Variants in JADE3 observed in about 807,000 individuals in gnomAD.
The protein encoded by JADE3 is jade family PHD finger 3.
A neutral mutation model predicts 50.1 loss-of-function variants in JADE3; 2 were observed. The observed-to-expected ratio is 0.04, with a 90% confidence interval of 0.02 to 0.13. The LOEUF (loss-of-function observed/expected upper bound fraction) is 0.13, where lower values mean the gene tolerates loss of function less well. Ranked by LOEUF, JADE3 falls within the 10% of genes least tolerant of loss-of-function variation. The probability of loss-of-function intolerance (pLI) is 1.00; values close to 1 mark genes in which losing one functional copy is unlikely to be tolerated. For synonymous variants in JADE3, 218 were observed against 232.9 expected (o/e 0.94, Z 0.58); for missense variants, 475 against 634.4 (o/e 0.75, Z 2.70).
chrX:46,957,960 G>A (rs1212593122), intron 1 of JADE3, among the ~76,000 whole-genome samples: 2 of 112,093 alleles, frequency 1.8e-5, no homozygotes, highest in African/African-American at 6.5e-5. Context: ...GGATTGCTGG[G>A]TCATAGGGTT....
At chrX:46,964,830 A>G (rs1927335536) in intron 1 of JADE3, among the ~76,000 whole-genome samples, 1 of 112,484 alleles carries the variant, frequency 8.9e-6, no homozygotes, top group African/African-American at 3.2e-5. Flanking sequence ...TCAACCATTT[A>G]AAAATGTAAA....
intron 4 of JADE3, among the ~76,000 whole-genome samples, chrX:47,020,975 G>A (rs2038824074): frequency 9.0e-6 from 1 of 110,622 alleles, no homozygotes; most frequent in Middle Eastern, 4.7e-3. Flanking sequence ...ACTAGCCATC[G>A]TGGTGGTGTG....
chrX:46,999,605 G>A (rs1336947461), intron 4 of JADE3, among the ~76,000 whole-genome samples: 2 of 108,344 alleles, frequency 1.8e-5, no homozygotes, highest in African/African-American at 3.4e-5. Context: ...AAATAAAAGG[G>A]GATTACTGAA....
intron 1 of JADE3, among the ~76,000 whole-genome samples, chrX:46,943,637 T>C (rs1395150327): frequency 8.9e-6 from 1 of 111,927 alleles, no homozygotes; most frequent in Non-Finnish European, 1.9e-5. Context: ...TTGAGGATTT[T>C]TGTCTACCTT....
At chrX:46,915,871 A>G (rs1246629752) in intron 1 of JADE3, among the ~76,000 whole-genome samples, 1 of 111,546 alleles carries the variant, frequency 9.0e-6, no homozygotes, top group Non-Finnish European at 1.9e-5. Flanking sequence ...GGTGTGAGGA[A>G]ATAGTACTGG....
At chrX:46,945,331 G>A (rs1411419911) in intron 1 of JADE3, among the ~76,000 whole-genome samples, 1 of 110,875 alleles carries the variant, frequency 9.0e-6, no homozygotes, top group Admixed American at 9.6e-5. Flanking sequence ...TGCCCTGGAG[G>A]TATCTGCTAT....
intron 1 of JADE3, among the ~76,000 whole-genome samples, chrX:46,978,729 C>G (rs1279687875): frequency 9.0e-6 from 1 of 111,227 alleles, no homozygotes; most frequent in East Asian, 2.8e-4. Context: ...TCCCTCCAGC[C>G]TGTCCTCTGG....
chrX:46,984,924 T>A lies in JADE3; in HGVS notation c.30T>A (p.Ser10Arg). 8.3e-7 allele frequency: 1 copy of A among 1,208,737 alleles called. No homozygotes were observed. The highest frequency in any genetic ancestry group is 1.1e-6 in the Non-Finnish European group (1 of 892,782). The change falls in exon 2 of 11, where the codon AGT (serine) becomes AGA (arginine). Residue 10 changes from serine to arginine, a missense_variant. Ser to Arg is a moderately radical substitution (Grantham distance 110, BLOSUM62 -1). Transcript: ENST00000614628. MKRHRPVSS[S>R]DSSDESPSTS... The stretch of plus-strand genomic sequence containing the variant: ...AACGCCATAGGCCTGTCAGCAGCAG[T>A]GACAGTTCAGACGAAAGTGAGTAGA...
intron 1 of JADE3, among the ~76,000 whole-genome samples, chrX:46,943,810 G>A (rs1210190697): frequency 9.0e-6 from 1 of 111,665 alleles, no homozygotes; most frequent in Non-Finnish European, 1.9e-5. Flanking sequence ...TTGTATATCT[G>A]GTGGAATTTG....
Position 47,060,424 on chromosome X carries a change from A to C in JADE3, c.*1347A>C, listed in dbSNP as rs1022605437. 1 of 111,675 alleles carries C rather than the reference A, an allele frequency of 9.0e-6. No individual in the cohort carries two copies. Among genetic ancestry groups the C allele is most frequent in the Non-Finnish European group, 1.9e-5 (1 of 53,079 alleles). 9.2% of individuals were successfully genotyped at this position (111,675 alleles called of 1,213,427 possible). The stretch of plus-strand genomic sequence containing the variant: ...ATTCAGACAAAAGAGGCCATTTTCC[A>C]TTTTTAAAGCTTCTTACTGGTGAAA... On this transcript the variant is annotated 3_prime_UTR_variant, in exon 11 of 11. Transcript: ENST00000614628.
Position 47,054,561 on chromosome X carries a change from A to C in JADE3, c.1376A>C (p.Gln459Pro). 3 of 1,210,788 alleles carry C rather than the reference A, an allele frequency of 2.5e-6. No homozygotes were observed. Among genetic ancestry groups the C allele is most frequent in the Non-Finnish European group, 3.4e-6 (3 of 894,822 alleles). The change falls in exon 9 of 11, where the codon CAG becomes CCG. Residue 459 changes from glutamine to proline, a missense_variant. Transcript: ENST00000614628. ...GAGGATGAAGAAAATGGGCTGGTGC[A>C]GCCAAAAGAGGAAAGCATTCACACT... ...PKEDEENGLVQPKEESIHTRM... is the reference protein window; with the variant it reads ...PKEDEENGLVPPKEESIHTRM...
intron 10 of JADE3, among the ~76,000 whole-genome samples, chrX:47,057,020 C>T (rs1242779355): frequency 5.4e-5 from 6 of 111,826 alleles, no homozygotes; most frequent in Non-Finnish European, 1.1e-4. Context: ...TGGGTCTCAA[C>T]AGAGTAGTGT....
intron 1 of JADE3, among the ~76,000 whole-genome samples, chrX:46,974,355 A>C (rs943614064): frequency 1.1e-4 from 12 of 111,046 alleles, no homozygotes; most frequent in African/African-American, 3.9e-4. Context: ...CAGTGAGCCA[A>C]GATCGCGCCA....
At chrX:47,005,634 G>A (rs1928397425) in intron 4 of JADE3, among the ~76,000 whole-genome samples, 1 of 112,453 alleles carries the variant, frequency 8.9e-6, no homozygotes, top group South Asian at 3.7e-4. Context: ...CAAAGATGGA[G>A]TAGGGAGCCT....
Position 47,027,782 on chromosome X carries a change from G to C in JADE3, c.476-110G>C, listed in dbSNP as rs1556365857. On this transcript the variant is annotated intron_variant, in intron 5 of 10. Transcript: ENST00000614628. ...TCTGGTTGTTTTAGAGCAGGAAAGA[G>C]ATGTTTTTATCCTTTAGAATCCTAC... The C allele has an allele frequency of 6.7e-6, 4 of 595,173 alleles. No homozygotes were observed. In the African/African-American group the frequency reaches 9.0e-5, roughly 13 times the overall value. The allele number at this position is 595,173 out of a possible 1,213,427, so 49.0% of individuals were successfully genotyped here.
In JADE3 at chrX:47,054,406, C is replaced by A; in HGVS notation, c.1221C>A (p.Phe407Leu). Residue 407 changes from phenylalanine (F) to leucine (L), a missense_variant, in exon 9 of 11, where the codon TTC (phenylalanine) becomes TTA (leucine). This residue lies in a region of JADE3 where 81 missense variants were observed against 123.8 expected (regional missense o/e 0.65). Coordinates refer to ENST00000614628, the MANE Select transcript of JADE3 (RefSeq NM_014735.5). ...AQKLRELEEE[F>L]YSLVRVEDVA... ...AGCTTCGGGAGCTGGAGGAGGAGTT[C>A]TATTCCTTGGTACGAGTGGAAGATG... 8.3e-7 allele frequency: 1 copy of A among 1,211,378 alleles called. No individual in the cohort carries two copies. Among genetic ancestry groups the A allele is most frequent in the Non-Finnish European group, 1.1e-6 (1 of 895,162 alleles).
At chrX:47,003,805 T>C (rs1161022431) in intron 4 of JADE3, among the ~76,000 whole-genome samples, 1 of 100,467 alleles carries the variant, frequency 1.0e-5, no homozygotes, top group African/African-American at 3.6e-5. Flanking sequence ...ATAATTTTGG[T>C]GACATACACC....
At chrX:47,044,991 A>G (rs1247930323) in intron 8 of JADE3, among the ~76,000 whole-genome samples, 1 of 111,935 alleles carries the variant, frequency 8.9e-6, no homozygotes, top group African/African-American at 3.2e-5. Context: ...TATCACCTTC[A>G]CTAAAAGGAA....
chrX:46,968,779 A>T (rs188545649), intron 1 of JADE3, among the ~76,000 whole-genome samples: 1 of 111,217 alleles, frequency 9.0e-6, no homozygotes, highest in African/African-American at 3.3e-5. Flanking sequence ...TTCAAAGAAC[A>T]CAAAGCAAAA....
Sources: gnomAD v4.1 joint callset for allele counts (sites outside exome capture counted in the v4.1 genomes callset) on GRCh38, gnomAD v4.1.1 for gene constraint, gnomAD v4.1.1 regional missense constraint, MANE v1.5 for transcripts, NCBI Gene and HGNC (gene_info 2026-07-23, HGNC 2026-07-21) for gene names.